Variants in FCHSD2 observed in about 807,000 individuals in gnomAD.
FCHSD2 encodes the protein FCH and double SH3 domains 2.
Under a neutral mutation model 108.1 loss-of-function variants are expected in FCHSD2, and 38 were observed. The observed-to-expected ratio is 0.35, with a 90% CI of 0.27 to 0.46. FCHSD2 has a LOEUF of 0.46. Ranked by LOEUF, FCHSD2 falls within the 20% of genes least tolerant of loss-of-function variation. The pLI is 1.00. For missense variants in FCHSD2, 751 were observed against 897.8 expected, an observed-to-expected ratio of 0.84 and a Z score of 2.09; for synonymous variants, 279 against 314.7, an observed-to-expected ratio of 0.89 and a Z score of 1.20.
rs532360674 is a variant in FCHSD2, at chr11:72,883,057, C to T, written c.1146+4413G>A. Among the ~76,000 whole-genome samples the T allele has an allele frequency of 1.6e-3, 241 of 152,194 alleles. 1 individual carries two copies. The highest frequency in any genetic ancestry group is 5.0e-3 in the South Asian group (24 of 4,812). ...ACGGGTGCAAAGGTAATGGGAAAAGCATACTCTTTAAAATATGATGGTGGA... is the reference window on the plus strand; with the variant it reads ...ACGGGTGCAAAGGTAATGGGAAAAGTATACTCTTTAAAATATGATGGTGGA... On this transcript the variant is annotated intron_variant, in intron 12 of 19. Coordinates refer to ENST00000409418, the MANE Select transcript of FCHSD2 (RefSeq NM_014824.3).
At chr11:73,070,182 A>G (rs1859399208) in intron 3 of FCHSD2, among the ~76,000 whole-genome samples, 1 of 152,236 alleles carries the variant, frequency 6.6e-6, no homozygotes, top group African/African-American at 2.4e-5. Flanking sequence ...TATTAATGAC[A>G]TGGAAAGCAA....
Position 72,889,938 on chromosome 11 carries a change from T to C in FCHSD2, c.932A>G (p.Gln311Arg). 1 of 1,603,334 alleles carries C rather than the reference T, an allele frequency of 6.2e-7. No homozygotes were observed. The highest frequency in any genetic ancestry group is 8.5e-7 in the Non-Finnish European group (1 of 1,170,268). The change falls in exon 11 of 20, where the codon CAG (glutamine) becomes CGG (arginine). Residue 311 changes from glutamine to arginine, a missense_variant. Physicochemically the swap from Gln to Arg is conservative, Grantham distance 43. Transcript: ENST00000409418. ...FQPCDSDTSR[Q>R]LESETGTTEE... ...TGTGGTCCCAGTTTCTGATTCTAAC[T>C]GTCGGCTCTACAATACAAGAGAGAA...
intron 3 of FCHSD2, among the ~76,000 whole-genome samples, chr11:73,072,488 G>A (rs1244219454): frequency 1.9e-4 from 29 of 151,872 alleles, no homozygotes; most frequent in Non-Finnish European, 1.5e-4. Flanking sequence ...ACTATTTCAG[G>A]AGAGGACTCC....
At chr11:73,114,576 A>T (rs1265248718) in intron 2 of FCHSD2, among the ~76,000 whole-genome samples, 1 of 152,028 alleles carries the variant, frequency 6.6e-6, no homozygotes, top group Non-Finnish European at 1.5e-5. Flanking sequence ...AAGCTCACCC[A>T]AGACCCACAG....
chr11:72,937,705 T>C (rs1449910914), intron 8 of FCHSD2, among the ~76,000 whole-genome samples: 1 of 152,336 alleles, frequency 6.6e-6, no homozygotes, highest in East Asian at 1.9e-4. Flanking sequence ...TCTGTGTTTG[T>C]ATATGTGCTT....
intron 13 of FCHSD2, among the ~76,000 whole-genome samples, chr11:72,856,232 C>T (rs929103503): frequency 2.0e-5 from 3 of 152,154 alleles, no homozygotes; most frequent in Non-Finnish European, 4.4e-5. Flanking sequence ...GTGAAGGATA[C>T]TAAAAGGAGA....
chr11:72,944,348 A>C (rs939468673), intron 8 of FCHSD2, among the ~76,000 whole-genome samples: 3 of 152,198 alleles, frequency 2.0e-5, no homozygotes, highest in African/African-American at 7.2e-5. Context: ...AAAATTCAAC[A>C]ACGCTTCATT....
chr11:73,003,567 A>G (rs1305928962), intron 4 of FCHSD2, among the ~76,000 whole-genome samples: 1 of 149,724 alleles, frequency 6.7e-6, no homozygotes, highest in Non-Finnish European at 1.5e-5. Context: ...GCTCACTGCA[A>G]GCTCCACCTC....
chr11:72,994,935 C>T (rs2135411280), intron 5 of FCHSD2, among the ~76,000 whole-genome samples: 1 of 152,206 alleles, frequency 6.6e-6, no homozygotes, highest in African/African-American at 2.4e-5. Context: ...GCTTGAATTC[C>T]AAAACATTTT....
At chr11:72,920,376 C>G (rs1286027715) in intron 9 of FCHSD2, among the ~76,000 whole-genome samples, 1 of 152,090 alleles carries the variant, frequency 6.6e-6, no homozygotes, top group Non-Finnish European at 1.5e-5. Flanking sequence ...GGACAATTGT[C>G]CAGGAAAATG....
chr11:72,864,335 C>T (rs1460131925), intron 13 of FCHSD2, among the ~76,000 whole-genome samples: 9 of 152,022 alleles, frequency 5.9e-5, no homozygotes, highest in African/African-American at 9.7e-5. Context: ...CCAACGTGGG[C>T]GGACTGCTTG....
intron 8 of FCHSD2, among the ~76,000 whole-genome samples, chr11:72,958,991 ATATG>A (rs1407175633): frequency 1.9e-4 from 8 of 41,754 alleles, no homozygotes; most frequent in South Asian, 4.2e-3. Context: ...CATCAGTAAG[ATATG>A]TGTGTGTGTG....
chr11:72,867,786 C>A, intron 13 of FCHSD2, 79 bp downstream of exon 13: 1 of 1,275,728 alleles, frequency 7.8e-7, no homozygotes. Flanking sequence ...AAAATTTTGG[C>A]TATTATTAAG....
At chr11:73,108,617 G>A (rs1234400662) in intron 2 of FCHSD2, among the ~76,000 whole-genome samples, 4 of 152,054 alleles carry the variant, frequency 2.6e-5, no homozygotes, top group African/African-American at 7.2e-5. Flanking sequence ...GCCGGACTGC[G>A]GACTGCAGTG....
intron 5 of FCHSD2, among the ~76,000 whole-genome samples, chr11:72,992,969 G>A (rs901214212): frequency 1.3e-5 from 2 of 152,132 alleles, no homozygotes; most frequent in Non-Finnish European, 2.9e-5. Flanking sequence ...GAGTGAACAG[G>A]CAACCTACAG....
intron 8 of FCHSD2, among the ~76,000 whole-genome samples, chr11:72,980,358 G>C (rs1258601951): frequency 6.6e-6 from 1 of 152,150 alleles, no homozygotes; most frequent in African/African-American, 2.4e-5. Flanking sequence ...CTTTTCTTCA[G>C]CAGTACTTGG....
At chr11:72,848,037 C>T (rs1419434446) in intron 14 of FCHSD2, among the ~76,000 whole-genome samples, 4 of 152,112 alleles carry the variant, frequency 2.6e-5, no homozygotes, top group African/African-American at 7.2e-5. Context: ...CCAGATTATT[C>T]GAGGCCTCCT....
intron 2 of FCHSD2, among the ~76,000 whole-genome samples, chr11:73,090,387 A>G (rs942464658): frequency 6.6e-5 from 10 of 151,770 alleles, no homozygotes; most frequent in African/African-American, 1.7e-4. Flanking sequence ...CACTACGCCC[A>G]GCTAATTTTT....
Position 72,871,320 on chromosome 11 carries a change from G to C in FCHSD2, c.1147-3294C>G, listed in dbSNP as rs75089889. Among the ~76,000 whole-genome samples the C allele has an allele frequency of 7.9e-4, 120 of 152,264 alleles. 1 individual carries two copies. In the East Asian group the frequency reaches 0.018, roughly 22 times the overall value. On this transcript the variant is annotated intron_variant, in intron 12 of 19. Coordinates refer to ENST00000409418, the MANE Select transcript of FCHSD2 (RefSeq NM_014824.3). ...AAATCTGCCAATCCCTGACATTCAA[G>C]CTTCTCAAAACCCTATATATCAACT...
Sources: gnomAD v4.1 joint callset for allele counts (sites outside exome capture counted in the v4.1 genomes callset) on GRCh38, gnomAD v4.1.1 for gene constraint, MANE v1.5 for transcripts, NCBI Gene and HGNC (gene_info 2026-07-23, HGNC 2026-07-21) for gene names.